Variants in DYSF observed in about 807,000 individuals in gnomAD.
DYSF encodes the protein dystrophy-associated fer-1-like 1.
DYSF carries 212 observed loss-of-function variants against 274.9 expected under a neutral mutation model. The observed-to-expected ratio is 0.77, with a 90% CI of 0.69 to 0.86. The LOEUF (loss-of-function observed/expected upper bound fraction) is 0.86, where lower values mean the gene tolerates loss of function less well. DYSF is among the 40% of genes least tolerant of loss of function. DYSF has a pLI of 0.00. For missense variants in DYSF, 2,666 were observed against 2,783.2 expected (o/e 0.96, Z 0.95); for synonymous variants, 1,091 against 1,078.7 (o/e 1.01, Z -0.22).
intron 39 of DYSF, among the ~76,000 whole-genome samples, chr2:71,613,119 A>T (rs1265039701): frequency 6.6e-6 from 1 of 151,980 alleles, no homozygotes; most frequent in Non-Finnish European, 1.5e-5. Context: ...TGAGGAGAGG[A>T]AGACAGAAGT....
At chr2:71,671,274 G>A (rs1558791895) in intron 51 of DYSF, among the ~76,000 whole-genome samples, 1 of 152,238 alleles carries the variant, frequency 6.6e-6, no homozygotes, top group Non-Finnish European at 1.5e-5. Flanking sequence ...GGAGGTCAAG[G>A]AAAGCATGGG....
chr2:71,635,164 G>A (rs116307389), intron 41 of DYSF, among the ~76,000 whole-genome samples: 1,816 of 152,310 alleles, frequency 0.012, 31 homozygotes, highest in African/African-American at 0.041. Flanking sequence ...GAGGCAGGGT[G>A]TGCGGTGCCT....
At chr2:71,673,157 G>A (rs2095159820) in intron 51 of DYSF, among the ~76,000 whole-genome samples, 1 of 152,188 alleles carries the variant, frequency 6.6e-6, no homozygotes, top group Non-Finnish European at 1.5e-5. Flanking sequence ...TCTGCAGGGT[G>A]GTCACACTGT....
At chr2:71,491,592 G>A (rs1436633793) in intron 3 of DYSF, among the ~76,000 whole-genome samples, 1 of 152,140 alleles carries the variant, frequency 6.6e-6, no homozygotes, top group African/African-American at 2.4e-5. Flanking sequence ...AAAGGTCCCA[G>A]TGTGTGTCCT....
At chr2:71,463,872 C>G (rs769676127), upstream of DYSF, among the ~76,000 whole-genome samples, 2 of 152,168 alleles carry the variant, frequency 1.3e-5, no homozygotes, top group African/African-American at 4.8e-5. Context: ...GGCTGCATAA[C>G]TGAGCAGTCA....
chr2:71,652,378 AC>A, intron 42 of DYSF, among the ~76,000 whole-genome samples: 1 of 152,252 alleles, frequency 6.6e-6, no homozygotes, highest in East Asian at 1.9e-4. Flanking sequence ...CCTGAAGAGA[AC>A]CAACTGAAAA....
Position 71,615,856 on chromosome 2 carries a change from G to A in DYSF, c.4464+2446G>A, listed in dbSNP as rs1348061245. Among the ~76,000 whole-genome samples, 5 of 152,296 alleles carry A rather than the reference G, an allele frequency of 3.3e-5. 1 individual carries two copies. The highest frequency in any genetic ancestry group is 2.0e-4 in the Admixed American group (3 of 15,314). On this transcript the variant is annotated intron_variant, in intron 40 of 55. Coordinates refer to ENST00000410020, the MANE Select transcript of DYSF (RefSeq NM_001130987.2). This position sits in a 1 kb window ranked among gnomAD's most constrained non-coding sequence, Gnocchi z 4.9. ...TTGGCTGGCTTCTGTCTGCCCCACC[G>A]GTGTTTCTCGGCAGCCTGTTCCATC... is the stretch of plus-strand genomic sequence containing the variant.
rs1479784722 is a variant in DYSF, at chr2:71,511,808, C to T, written c.347C>T (p.Ala116Val). Reference protein sequence around the residue: ...LLDTKKQPTGASLVLQVSYTP... With the variant: ...LLDTKKQPTGVSLVLQVSYTP... The stretch of plus-strand genomic sequence containing the variant: ...TCCCCCACGTCTCATCTCTTCCAGG[C>T]CTCGCTGGTCCTGCAGGTGTCCTAC... The change falls in exon 5 of 56, where the codon GCC (alanine) becomes GTC (valine). Residue 116 changes from alanine (A) to valine (V), a missense_variant and splice_region_variant. By Grantham distance (64) the Ala-to-Val change is moderately conservative. Transcript: ENST00000410020. 1 of 1,547,814 alleles carries T rather than the reference C, an allele frequency of 6.5e-7. No homozygotes were observed. The highest frequency in any genetic ancestry group is 1.2e-5 in the South Asian group (1 of 83,992).
chr2:71,588,277 C>T (rs17007083), intron 30 of DYSF, among the ~76,000 whole-genome samples: 5,320 of 152,164 alleles, frequency 0.035, 96 homozygotes, highest in Middle Eastern at 0.088. Context: ...GGATTCAGGC[C>T]GAGGAGCTGC....
chr2:71,568,044 C>T lies in DYSF; in HGVS notation c.2659C>T (p.Gln887Ter). The T allele has an allele frequency of 6.2e-7, 1 of 1,614,174 alleles. No individual in the cohort carries two copies. The highest frequency in any genetic ancestry group is 8.5e-7 in the Non-Finnish European group (1 of 1,180,040). Residue 887 changes from glutamine (Q) to a stop codon, truncating the protein, a stop_gained, in exon 25 of 56, where the codon CAG becomes TAG. Transcript: ENST00000410020. LOFTEE classifies it high-confidence loss of function. Reference protein sequence around the residue: ...GLSVDEKEFNQFAEGKLSVFA... With the variant: ...GLSVDEKEFN ...CTCAGTGGATGAGAAGGAGTTCAAC[C>T]AGTTTGCTGAGGGGAAGCTGTCTGT...
chr2:71,666,639 A>T (rs940404485), intron 47 of DYSF, among the ~76,000 whole-genome samples: 1 of 152,196 alleles, frequency 6.6e-6, no homozygotes, highest in Non-Finnish European at 1.5e-5. Context: ...CCCCACCTGT[A>T]GCACCAGTTT....
At chr2:71,551,525 A>G (rs141452133) in intron 18 of DYSF, 82 bp from the exon 19 acceptor site, 6 of 1,210,896 alleles carry the variant, frequency 5.0e-6, no homozygotes, top group South Asian at 3.9e-5. Flanking sequence ...GAGATGAGCT[A>G]CCTCAGGGCC....
chr2:71,481,791 A>G, intron 2 of DYSF, 88 bp from the exon 3 acceptor site: 1 of 1,017,330 alleles, frequency 9.8e-7, no homozygotes, highest in South Asian at 1.3e-5. Flanking sequence ...ATGCCTACTC[A>G]GTGCCCTGGT....
chr2:71,567,914 A>C (rs773080026), intron 24 of DYSF, 37 bp from the exon 25 acceptor site: 1 of 1,611,800 alleles, frequency 6.2e-7, no homozygotes, highest in Admixed American at 1.7e-5. Flanking sequence ...CGGATCCTGA[A>C]GGGGACTGTG....
intron 17 of DYSF, among the ~76,000 whole-genome samples, chr2:71,548,267 T>A (rs1173736447): frequency 6.6e-6 from 1 of 152,200 alleles, no homozygotes; most frequent in Non-Finnish European, 1.5e-5. Context: ...TCTTCTCCAC[T>A]CTTTCTGTGT....
intron 1 of DYSF, among the ~76,000 whole-genome samples, chr2:71,457,925 G>A (rs2081135346): frequency 6.6e-6 from 1 of 152,192 alleles, no homozygotes; most frequent in Non-Finnish European, 1.5e-5. Flanking sequence ...AGCTTAGCCA[G>A]TCTAGGAGAA....
At chr2:71,678,795 T>C (rs1449149313) in intron 52 of DYSF, among the ~76,000 whole-genome samples, 1 of 152,122 alleles carries the variant, frequency 6.6e-6, no homozygotes, top group Non-Finnish European at 1.5e-5. Context: ...AAGAGGTGGG[T>C]GGCTTTGTTA....
chr2:71,655,828 TTTA>T (rs1418165102), intron 42 of DYSF, among the ~76,000 whole-genome samples: 3 of 152,206 alleles, frequency 2.0e-5, no homozygotes, highest in Non-Finnish European at 4.4e-5. Flanking sequence ...CTTACAATAT[TTTA>T]TTGACCAGAA....
chr2:71,660,192 C>G (rs2094852544), intron 44 of DYSF, among the ~76,000 whole-genome samples: 1 of 152,240 alleles, frequency 6.6e-6, no homozygotes, highest in African/African-American at 2.4e-5. Context: ...AGGCTGACCA[C>G]CCCTCTCTCA....
Sources: allele counts gnomAD v4.1 joint callset (sites outside exome capture counted in the v4.1 genomes callset), GRCh38; gene constraint gnomAD v4.1.1; non-coding constraint Gnocchi (gnomAD v3.1); transcripts MANE v1.5; gene names NCBI Gene and HGNC (gene_info 2026-07-23, HGNC 2026-07-21).